Variants in USP10 observed in about 807,000 individuals in gnomAD.
The protein encoded by USP10 is ubiquitin specific peptidase 10.
USP10 carries 22 observed loss-of-function variants against 84.5 expected under a neutral mutation model. The ratio of observed to expected loss-of-function variants is 0.26; its 90% CI spans 0.19 to 0.37. The LOEUF (loss-of-function observed/expected upper bound fraction) is 0.37. USP10 is among the 10% of genes least tolerant of loss of function. USP10 has a pLI of 1.00. For missense variants in USP10, 1,019 were observed against 998.9 expected, an observed-to-expected ratio of 1.02 and a Z score of -0.27; for synonymous variants, 454 against 387.6, an observed-to-expected ratio of 1.17 and a Z score of -2.01.
intron 1 of USP10, among the ~76,000 whole-genome samples, chr16:84,707,162 C>G: frequency 6.6e-6 from 1 of 152,132 alleles, no homozygotes; most frequent in East Asian, 1.9e-4. Context: ...TTTGCTTTTT[C>G]TACTTTGCCA....
chr16:84,759,756 C>G (rs1912985288), intron 6 of USP10, 135 bp from the exon 7 acceptor site: 3 of 899,150 alleles, frequency 3.3e-6, no homozygotes, highest in East Asian at 2.6e-5. Flanking sequence ...CTTGAGTTCA[C>G]TAGCTGTTAC....
At chr16:84,751,237 C>T (rs932886260) in intron 4 of USP10, among the ~76,000 whole-genome samples, 4 of 152,186 alleles carry the variant, frequency 2.6e-5, no homozygotes, top group Admixed American at 2.6e-4. Context: ...TTGGCTATAC[C>T]ATCTAGGCAT....
At chr16:84,754,496 T>A (rs1912294760) in intron 4 of USP10, among the ~76,000 whole-genome samples, 2 of 152,212 alleles carry the variant, frequency 1.3e-5, no homozygotes, top group Non-Finnish European at 2.9e-5. Context: ...GTACGTATGT[T>A]CTGCTGTTGC....
At chr16:84,758,847 C>T (rs1431862509) in intron 5 of USP10, 40 bp downstream of exon 5, 3 of 1,442,344 alleles carry the variant, frequency 2.1e-6, no homozygotes, top group South Asian at 2.3e-5. Context: ...CAGCTTGTTG[C>T]AGCTGTCCCT....
At chr16:84,759,221 T>A in intron 5 of USP10, 142 bp from the exon 6 acceptor site, 1 of 739,372 alleles carries the variant, frequency 1.4e-6, no homozygotes, top group Non-Finnish European at 2.3e-6. Context: ...TTTGGTTTAT[T>A]CCTTTTCGTG....
intron 4 of USP10, among the ~76,000 whole-genome samples, chr16:84,754,989 GA>G (rs35408254): frequency 0.29 from 41,643 of 145,738 alleles, 6,049 homozygotes; most frequent in Admixed American, 0.41. Context: ...CTTTGTCCCA[GA>G]AAAAAAAAAA....
chr16:84,754,548 T>C (rs914539189), intron 4 of USP10, among the ~76,000 whole-genome samples: 1 of 152,140 alleles, frequency 6.6e-6, no homozygotes, highest in Non-Finnish European at 1.5e-5. Flanking sequence ...CTTGCAGTTA[T>C]TGAACAAACC....
chr16:84,729,923 A>G (rs1908992042), intron 1 of USP10, among the ~76,000 whole-genome samples: 1 of 152,240 alleles, frequency 6.6e-6, no homozygotes, highest in African/African-American at 2.4e-5. Flanking sequence ...GTTTTCATCA[A>G]GTCCTAAGCT....
intron 2 of USP10, among the ~76,000 whole-genome samples, chr16:84,738,525 C>T (rs552231720): frequency 1.7e-4 from 26 of 152,308 alleles, no homozygotes; most frequent in Admixed American, 1.0e-3. Context: ...CACCTCTCTG[C>T]TCCAGGTGCC....
intron 1 of USP10, among the ~76,000 whole-genome samples, chr16:84,728,204 TA>T (rs1267372883): frequency 2.6e-5 from 4 of 152,234 alleles, no homozygotes; most frequent in African/African-American, 9.6e-5. Flanking sequence ...ATTTCTGTGA[TA>T]AACTTTTTGG....
In USP10 at chr16:84,708,418, TCCAG is replaced by T. The variant is rs530186472; in HGVS notation, c.21+8310_21+8313del. On this transcript the variant is annotated intron_variant, in intron 1 of 13. Transcript: ENST00000219473. ...GTGAGACAAGATCACGCCACTTCAC[TCCAG>T]CCTGGACGAAAGAGTGAAACTCCAT... Among the ~76,000 whole-genome samples, 100 of 152,294 alleles carry T rather than the reference TCCAG, an allele frequency of 6.6e-4. 1 individual carries two copies. Among genetic ancestry groups the T allele is most frequent in the Admixed American group, 5.7e-3 (87 of 15,302 alleles).
chr16:84,713,876 C>T (rs1360776012), intron 1 of USP10, among the ~76,000 whole-genome samples: 1 of 152,230 alleles, frequency 6.6e-6, no homozygotes, highest in African/African-American at 2.4e-5. Context: ...GCGCCCAAAG[C>T]AGAAAGACCT....
rs1187248074 is a variant in USP10, at chr16:84,701,935, TTC to T, written c.21+1826_21+1827del. Among the ~76,000 whole-genome samples, 10 of 65,680 alleles carry T rather than the reference TTC, an allele frequency of 1.5e-4. 1 individual carries two copies. The highest frequency in any genetic ancestry group is 1.2e-3 in the East Asian group (1 of 818). The allele number at this position is 65,680 out of a possible 152,430, so 43.1% of individuals were successfully genotyped here. On this transcript the variant is annotated intron_variant, in intron 1 of 13. Transcript: ENST00000219473. ...AGTTTGATTTCTCATAATTTTCTTC[TTC>T]TTTTTTTTTTTTTTTTTGAGTTGGA...
chr16:84,740,859 A>G (rs1166736675), intron 3 of USP10, among the ~76,000 whole-genome samples: 2 of 152,204 alleles, frequency 1.3e-5, no homozygotes, highest in African/African-American at 4.8e-5. Context: ...CTGGTCTGTT[A>G]CTTTTTTGGG....
intron 13 of USP10, among the ~76,000 whole-genome samples, chr16:84,776,309 C>T (rs377235670): frequency 5.8e-5 from 4 of 68,678 alleles, no homozygotes; most frequent in Admixed American, 2.6e-4. Context: ...GAGGGCCTAG[C>T]GGTGGGGGCC....
At chr16:84,747,532 A>G (rs530559104) in intron 4 of USP10, among the ~76,000 whole-genome samples, 340 of 133,298 alleles carry the variant, frequency 2.6e-3, no homozygotes, top group African/African-American at 8.8e-3. Flanking sequence ...TGGGCTTCAT[A>G]TATATTTTTT....
In USP10 at chr16:84,700,131, T is replaced by A; in HGVS notation, c.21+20T>A. On this transcript the variant is annotated intron_variant, in intron 1 of 13. Transcript: ENST00000219473. ...CCGCAGGTAGCCGCCGGTCTGCGCC[T>A]TCGGCCGGAAGGGGCCCGAGCCCCG... 2.2e-6 allele frequency: 3 copies of A among 1,335,750 alleles called. No homozygotes were observed. Among genetic ancestry groups the A allele is most frequent in the Non-Finnish European group, 2.9e-6 (3 of 1,021,232 alleles). 82.7% of individuals were successfully genotyped at this position (1,335,750 alleles called of 1,614,324 possible).
chr16:84,706,752 G>A (rs1212833941), intron 1 of USP10, among the ~76,000 whole-genome samples: 1 of 151,794 alleles, frequency 6.6e-6, no homozygotes, highest in Non-Finnish European at 1.5e-5. Context: ...GTGTTAGCCA[G>A]GATGGTCTCC....
chr16:84,734,403 C>T (rs952182742), intron 2 of USP10, among the ~76,000 whole-genome samples: 5 of 152,190 alleles, frequency 3.3e-5, no homozygotes, highest in South Asian at 2.1e-4. Context: ...ATTCTCTTCA[C>T]GTCTGCTGGC....
Sources: allele counts gnomAD v4.1 joint callset (sites outside exome capture counted in the v4.1 genomes callset), GRCh38; gene constraint gnomAD v4.1.1; transcripts MANE v1.5; gene names NCBI Gene and HGNC (gene_info 2026-07-23, HGNC 2026-07-21).